Variants in MBD5 observed in about 807,000 individuals in gnomAD.
The protein encoded by MBD5 is methyl-CpG-binding domain protein 5.
In MBD5, 13 loss-of-function variants were observed where a neutral mutation model predicts 117.3. That is an observed-to-expected ratio of 0.11 (90% CI 0.07 to 0.18). The LOEUF (loss-of-function observed/expected upper bound fraction) is 0.18. MBD5 is among the 10% of genes least tolerant of loss of function. MBD5 has a pLI of 1.00. For synonymous variants in MBD5, 727 were observed against 766.4 expected (o/e 0.95, Z 0.85); for missense variants, 1,879 against 2,093.8 (o/e 0.90, Z 2.00).
chr2:148,370,260 G>A (rs1397084320), intron 4 of MBD5, among the ~76,000 whole-genome samples: 2 of 151,930 alleles, frequency 1.3e-5, no homozygotes, highest in Non-Finnish European at 2.9e-5. Context: ...CTGCATCATG[G>A]TTTTTAAAAA....
chr2:148,100,112 C>T (rs1426470726), intron 1 of MBD5, among the ~76,000 whole-genome samples: 4 of 151,980 alleles, frequency 2.6e-5, no homozygotes, highest in African/African-American at 4.8e-5. Flanking sequence ...TGTGACATTT[C>T]GAGTGAGACC....
At chr2:148,423,891 G>T (rs1054684774) in intron 4 of MBD5, among the ~76,000 whole-genome samples, 1 of 151,910 alleles carries the variant, frequency 6.6e-6, no homozygotes, top group African/African-American at 2.4e-5. Flanking sequence ...AAAAAGCAGG[G>T]GTTGTGGCCA....
In MBD5 at chr2:148,288,337, T is replaced by C. The variant is rs1240376270; in HGVS notation, c.-679-53877T>C. 2.0e-5 allele frequency among the ~76,000 whole-genome samples: 2 copies of C among 99,680 alleles called. 1 individual carries two copies. Among genetic ancestry groups the C allele is most frequent in the African/African-American group, 6.9e-5 (2 of 29,076 alleles). 65.4% of individuals were successfully genotyped at this position (99,680 alleles called of 152,430 possible). On this transcript the variant is annotated intron_variant, in intron 3 of 13. Transcript: ENST00000642680. Reference sequence around the variant, plus strand: ...ATGGCGTGAACCCGGGAGGCGGAGCTTGCAGTGAGCTGAGATCCCGCCACT... The same window carrying C: ...ATGGCGTGAACCCGGGAGGCGGAGCCTGCAGTGAGCTGAGATCCCGCCACT...
chr2:148,173,894 A>G (rs141816497), intron 1 of MBD5, among the ~76,000 whole-genome samples: 218 of 152,362 alleles, frequency 1.4e-3, no homozygotes, highest in African/African-American at 4.9e-3. Context: ...AATACAATCC[A>G]TATCAAAATT....
intron 3 of MBD5, among the ~76,000 whole-genome samples, chr2:148,234,733 C>G (rs1348675098): frequency 6.6e-6 from 1 of 152,134 alleles, no homozygotes; most frequent in Non-Finnish European, 1.5e-5. Flanking sequence ...CTTCCTTCAG[C>G]AAGCCAATTT....
At chr2:148,113,216 A>G (rs192867324) in intron 1 of MBD5, among the ~76,000 whole-genome samples, 54 of 152,284 alleles carry the variant, frequency 3.5e-4, no homozygotes, top group Non-Finnish European at 6.5e-4. Flanking sequence ...AATAGGTGGT[A>G]TGACCTGCAG....
At chr2:148,449,009 A>T (rs920483645) in intron 4 of MBD5, among the ~76,000 whole-genome samples, 109 of 152,238 alleles carry the variant, frequency 7.2e-4, no homozygotes, top group African/African-American at 2.6e-3. Context: ...GCTAACATAC[A>T]AGAATAAATC....
chr2:148,074,507 G>GTTTTTTTTTTTTTT (rs11443189), intron 1 of MBD5, among the ~76,000 whole-genome samples: 120 of 113,754 alleles, frequency 1.1e-3, no homozygotes, highest in African/African-American at 2.1e-3. Context: ...TTTTTTTTTT[G>GTTTTTTTTTTTTTT]TTTTTTTTTT....
chr2:148,169,869 G>C (rs1698217711), intron 1 of MBD5, among the ~76,000 whole-genome samples: 1 of 151,238 alleles, frequency 6.6e-6, no homozygotes, highest in Non-Finnish European at 1.5e-5. Context: ...GTTCCTGAAA[G>C]TGACCTGGTC....
intron 4 of MBD5, among the ~76,000 whole-genome samples, chr2:148,386,517 G>T (rs1005392207): frequency 6.6e-6 from 1 of 151,694 alleles, no homozygotes; most frequent in Non-Finnish European, 1.5e-5. Context: ...AGGAGATCGA[G>T]ACCATCCCGG....
intron 2 of MBD5, among the ~76,000 whole-genome samples, chr2:148,206,982 A>G (rs566957438): frequency 6.6e-6 from 1 of 152,372 alleles, no homozygotes; most frequent in African/African-American, 2.4e-5. Flanking sequence ...TTACAAGGAC[A>G]AAGTTCAGTG....
intron 3 of MBD5, chr2:148,296,336 G>T (rs1701647931): frequency 6.1e-6 from 1 of 163,226 alleles, no homozygotes; most frequent in Non-Finnish European, 1.4e-5. Flanking sequence ...CTGTAACCTT[G>T]TTTTGAACTT....
chr2:148,484,538 A>T (rs551081590), intron 9 of MBD5, among the ~76,000 whole-genome samples: 6 of 152,196 alleles, frequency 3.9e-5, no homozygotes, highest in Non-Finnish European at 8.8e-5. Flanking sequence ...TGCACTGTGG[A>T]TGGAAACAGA....
intron 1 of MBD5, among the ~76,000 whole-genome samples, chr2:148,102,700 T>TCA (rs72105542): frequency 6.9e-4 from 91 of 131,884 alleles, no homozygotes; most frequent in African/African-American, 2.5e-3. Context: ...GAGAGAGAGA[T>TCA]CACACACACA....
intron 3 of MBD5, among the ~76,000 whole-genome samples, chr2:148,273,209 G>A (rs1233932470): frequency 2.0e-5 from 3 of 152,194 alleles, no homozygotes; most frequent in East Asian, 1.9e-4. Context: ...CCTGGGCATC[G>A]GTCAAACTGT....
chr2:148,336,970 A>T (rs1702812939), intron 3 of MBD5, among the ~76,000 whole-genome samples: 1 of 152,078 alleles, frequency 6.6e-6, no homozygotes, highest in Non-Finnish European at 1.5e-5. Context: ...AGTCTCCTTT[A>T]TGTCTTCCAG....
chr2:148,432,960 A>G (rs1319271320), intron 4 of MBD5, among the ~76,000 whole-genome samples: 1 of 152,136 alleles, frequency 6.6e-6, no homozygotes, highest in Non-Finnish European at 1.5e-5. Flanking sequence ...TTTCAGTAGT[A>G]TGGCCATTTT....
At chr2:148,511,100 G>C (rs1335599156) in intron 13 of MBD5, among the ~76,000 whole-genome samples, 1 of 152,128 alleles carries the variant, frequency 6.6e-6, no homozygotes, top group East Asian at 1.9e-4. Flanking sequence ...CTCCACACCA[G>C]GGCACAGATT....
intron 1 of MBD5, among the ~76,000 whole-genome samples, chr2:148,101,675 G>A (rs1696220569): frequency 6.6e-6 from 1 of 152,154 alleles, no homozygotes; most frequent in Non-Finnish European, 1.5e-5. Flanking sequence ...AGTTAGGACA[G>A]TGTTTTTTTA....
Sources: gnomAD v4.1 joint callset for allele counts (sites outside exome capture counted in the v4.1 genomes callset) on GRCh38, gnomAD v4.1.1 for gene constraint, MANE v1.5 for transcripts, NCBI Gene and HGNC (gene_info 2026-07-23, HGNC 2026-07-21) for gene names.